Variants in TBC1D19 observed in about 807,000 individuals in gnomAD.
TBC1D19 encodes TBC1 domain family member 19, also known as TBC1 domain family, member 19.
In TBC1D19, 60 loss-of-function variants were observed where a neutral mutation model predicts 89.0. That is an observed-to-expected ratio of 0.67 (90% CI 0.55 to 0.84). The LOEUF is 0.84. Ranked by LOEUF, TBC1D19 falls within the 40% of genes least tolerant of loss-of-function variation. The probability of loss-of-function intolerance (pLI) is 0.00; values close to 1 mark genes in which losing one functional copy is unlikely to be tolerated. For missense variants in TBC1D19, 500 were observed against 610.8 expected, an observed-to-expected ratio of 0.82 and a Z score of 1.91; for synonymous variants, 189 against 199.7, an observed-to-expected ratio of 0.95 and a Z score of 0.45.
intron 8 of TBC1D19, among the ~76,000 whole-genome samples, chr4:26,665,414 G>A (rs1441262443): frequency 6.6e-6 from 1 of 151,970 alleles, no homozygotes; most frequent in African/African-American, 2.4e-5. Flanking sequence ...TTAACAAAAT[G>A]CTGAGGAAAA....
the TBC1D19 span, among the ~76,000 whole-genome samples, chr4:26,777,357 A>G: frequency 6.6e-6 from 1 of 151,832 alleles, no homozygotes; most frequent in Non-Finnish European, 1.5e-5. Context: ...TTGGTCTCGA[A>G]CTCCTGACCT....
chr4:26,630,054 T>C (rs1017242203), intron 4 of TBC1D19, among the ~76,000 whole-genome samples: 1 of 151,744 alleles, frequency 6.6e-6, no homozygotes, highest in Non-Finnish European at 1.5e-5. Context: ...TCATTGTTTT[T>C]TTTACGTGCT....
At position 26,721,643 on chromosome 4, in the gene TBC1D19, A is replaced by T. The variant is rs569415458; in HGVS notation, c.1084+1518A>T. ...TTGCCATTTTTCTCAAAGTGTTCTT[A>T]ATGGCTTCCCATCTCTTAACAAGTG... On this transcript the variant is annotated intron_variant, in intron 15 of 20. Transcript: ENST00000264866. Among the ~76,000 whole-genome samples the T allele has an allele frequency of 3.3e-5, 5 of 152,244 alleles. No homozygotes were observed. In the East Asian group the frequency reaches 9.7e-4, roughly 29 times the overall value.
chr4:26,606,700 A>G (rs564288600), intron 1 of TBC1D19, among the ~76,000 whole-genome samples: 10 of 152,316 alleles, frequency 6.6e-5, no homozygotes, highest in African/African-American at 2.4e-4. Context: ...TCAACATAGA[A>G]GAATTCTGTA....
intron 13 of TBC1D19, among the ~76,000 whole-genome samples, chr4:26,691,999 A>C (rs1040660416): frequency 2.6e-5 from 4 of 152,224 alleles, no homozygotes; most frequent in African/African-American, 9.7e-5. Flanking sequence ...CTAAGGTTAC[A>C]TAAAAAGTCA....
chr4:26,740,014 G>A (rs1424550796), intron 17 of TBC1D19, 41 bp downstream of exon 17: 4 of 1,311,970 alleles, frequency 3.0e-6, no homozygotes, highest in Non-Finnish European at 4.2e-6. Flanking sequence ...AGGTTGGATT[G>A]TAATCTATTC....
At chr4:26,740,017 ATCTAT>A (rs747231642) in intron 17 of TBC1D19, 44 bp downstream of exon 17, 2 of 1,290,746 alleles carry the variant, frequency 1.5e-6, no homozygotes, top group Non-Finnish European at 2.1e-6. Flanking sequence ...TTGGATTGTA[ATCTAT>A]TCTTTCTTTC....
At chr4:26,716,167 A>G (rs1038980136) in intron 13 of TBC1D19, among the ~76,000 whole-genome samples, 2 of 152,112 alleles carry the variant, frequency 1.3e-5, no homozygotes, top group African/African-American at 4.8e-5. Flanking sequence ...TAAACTCCAT[A>G]AAAGAGGTGT....
At chr4:26,738,904 T>G (rs1432421150) in intron 16 of TBC1D19, among the ~76,000 whole-genome samples, 1 of 152,194 alleles carries the variant, frequency 6.6e-6, no homozygotes, top group Non-Finnish European at 1.5e-5. Flanking sequence ...CTTCCTTGCT[T>G]ACTTAGTGCT....
chr4:26,855,210 C>T, the TBC1D19 span, among the ~76,000 whole-genome samples: 6,389 of 152,236 alleles, frequency 0.042, 310 homozygotes, highest in African/African-American at 0.11. Context: ...GCCTTTGCAT[C>T]GGGTCCTATT....
chr4:26,608,253 A>G lies in TBC1D19; in HGVS notation c.100-4916A>G, dbSNP rs911059341. Among the ~76,000 whole-genome samples, 4 of 152,178 alleles carry G rather than the reference A, an allele frequency of 2.6e-5. No individual in the cohort carries two copies. The East Asian group carries it at 7.7e-4, about 29-fold the overall frequency. On this transcript the variant is annotated intron_variant, in intron 1 of 20. Transcript: ENST00000264866. ...AAATGCAAACATGTCTTTGATTGGG[A>G]TTTTTCTCTATGCTAAGCCACTAAA...
At chr4:26,823,750 C>G in the TBC1D19 span, among the ~76,000 whole-genome samples, 2 of 152,212 alleles carry the variant, frequency 1.3e-5, no homozygotes, top group African/African-American at 2.4e-5. Flanking sequence ...CTGTCACTTG[C>G]AACCACAAGA....
At chr4:26,622,808 T>C (rs1742145290) in intron 4 of TBC1D19, among the ~76,000 whole-genome samples, 1 of 152,206 alleles carries the variant, frequency 6.6e-6, no homozygotes, top group South Asian at 2.1e-4. Flanking sequence ...TAGAGACCCA[T>C]GGACTGCAAA....
the TBC1D19 span, among the ~76,000 whole-genome samples, chr4:26,821,056 C>T: frequency 6.6e-6 from 1 of 152,202 alleles, no homozygotes; most frequent in Non-Finnish European, 1.5e-5. Flanking sequence ...TGTAGGGATG[C>T]ATGGGTGCCA....
intron 11 of TBC1D19, among the ~76,000 whole-genome samples, chr4:26,682,420 A>C (rs1246670188): frequency 1.3e-5 from 2 of 152,210 alleles, no homozygotes; most frequent in South Asian, 4.1e-4. Flanking sequence ...CCAAAGAACT[A>C]TGTATTAAAC....
At chr4:26,821,949 A>G in the TBC1D19 span, among the ~76,000 whole-genome samples, 1 of 152,322 alleles carries the variant, frequency 6.6e-6, no homozygotes, top group East Asian at 1.9e-4. Context: ...ACTTTGGCAG[A>G]ATTCTGTTGA....
At chr4:26,742,211 G>A (rs1357700957) in intron 17 of TBC1D19, among the ~76,000 whole-genome samples, 1 of 152,154 alleles carries the variant, frequency 6.6e-6, no homozygotes, top group African/African-American at 2.4e-5. Flanking sequence ...TTTCTGTAAG[G>A]TGATATTTTC....
chr4:26,713,214 A>T (rs1482667269), intron 13 of TBC1D19, among the ~76,000 whole-genome samples: 3 of 152,064 alleles, frequency 2.0e-5, no homozygotes, highest in African/African-American at 7.2e-5. Flanking sequence ...CGATTTTTAA[A>T]AAGTATTCAG....
At chr4:26,808,944 G>A in the TBC1D19 span, among the ~76,000 whole-genome samples, 1 of 152,266 alleles carries the variant, frequency 6.6e-6, no homozygotes, top group East Asian at 1.9e-4. Context: ...TGAATCCAAA[G>A]ATAAGATTTG....
Sources: gnomAD v4.1 joint callset for allele counts (sites outside exome capture counted in the v4.1 genomes callset) on GRCh38, gnomAD v4.1.1 for gene constraint, MANE v1.5 for transcripts, NCBI Gene and HGNC (gene_info 2026-07-23, HGNC 2026-07-21) for gene names.